The following LONRF1 variants were observed in gnomAD, a reference collection of about 807,000 sequenced individuals.
LONRF1 encodes the protein LON peptidase N-terminal domain and RING finger protein 1.
In LONRF1, 37 loss-of-function variants were observed where a neutral mutation model predicts 85.8. That is an observed-to-expected ratio of 0.43 (90% CI 0.33 to 0.57). The LOEUF is 0.57. Ranked by LOEUF, LONRF1 falls within the 20% of genes least tolerant of loss-of-function variation. The pLI is 0.04. For missense variants in LONRF1, 1,036 were observed against 978.0 expected, an observed-to-expected ratio of 1.06 and a Z score of -0.79; for synonymous variants, 517 against 390.1, an observed-to-expected ratio of 1.33 and a Z score of -3.83.
At chr8:12,724,790 T>A (rs1009128109) in intron 11 of LONRF1, among the ~76,000 whole-genome samples, 3 of 152,218 alleles carry the variant, frequency 2.0e-5, no homozygotes, top group Non-Finnish European at 4.4e-5. Flanking sequence ...TTAAAACAAA[T>A]AGATGGCAAC....
chr8:12,729,290 G>C lies in LONRF1; in HGVS notation c.1731C>G (p.Tyr577Ter). The C allele has an allele frequency of 6.2e-7, 1 of 1,613,920 alleles. No individual in the cohort carries two copies. Among genetic ancestry groups the C allele is most frequent in the Non-Finnish European group, 8.5e-7 (1 of 1,179,866 alleles). The change falls in exon 9 of 12, where the codon TAC becomes TAG. Residue 577 changes from tyrosine to a stop codon, truncating the protein, a stop_gained. Coordinates refer to ENST00000398246, the MANE Select transcript of LONRF1 (RefSeq NM_152271.5). LOFTEE classifies it high-confidence loss of function. The part of the protein sequence containing the change: ...NVPIFVCTMA[Y>*]PTVPCPLHVF... Reference sequence around the variant, plus strand: ...CATGGAGAGGGCAAGGCACAGTGGGGTAGGCCATAGTGCAAACAAATATTG... The same window carrying C: ...CATGGAGAGGGCAAGGCACAGTGGGCTAGGCCATAGTGCAAACAAATATTG...
rs889033276 is a variant in LONRF1 at position 12,755,472 on chromosome 8, C to G, written c.-52G>C. 9.8e-7 allele frequency: 1 copy of G among 1,017,976 alleles called. No individual in the cohort carries two copies. The highest frequency in any genetic ancestry group is 1.7e-5 in the African/African-American group (1 of 57,808). The allele number at this position is 1,017,976 out of a possible 1,614,324, so 63.1% of individuals were successfully genotyped here. A position where few individuals can be genotyped will look rare whatever the true frequency, so the allele number is the denominator to read the frequency against. ...GCCCGCCGCCACGGTCCCGGAGCCT[C>G]CCGGGCGCGCGGCTCCGCACGCGGC... is the stretch of plus-strand genomic sequence containing the variant. On this transcript the variant is annotated 5_prime_UTR_variant, in exon 1 of 12. Transcript: ENST00000398246.
chr8:12,725,514 G>T (rs1442892863), intron 11 of LONRF1, among the ~76,000 whole-genome samples: 2 of 152,134 alleles, frequency 1.3e-5, no homozygotes, highest in African/African-American at 4.8e-5. Flanking sequence ...CATCTCAGCT[G>T]ACACGTATTT....
Position 12,736,962 on chromosome 8 carries a change from G to C in LONRF1, c.1292C>G (p.Ser431Cys). The change falls in exon 5 of 12, where the codon TCT (serine) becomes TGT (cysteine). Residue 431 changes from serine (S) to cysteine (C), a missense_variant. Coordinates refer to ENST00000398246, the MANE Select transcript of LONRF1 (RefSeq NM_152271.5). Reference sequence around the variant, plus strand: ...TACAATCACATCCTGTTCTAAAAGAGACAACTTTCTTTTCAGCAGAACACC... The same window carrying C: ...TACAATCACATCCTGTTCTAAAAGACACAACTTTCTTTTCAGCAGAACACC... ...EKGVLLKRKLSLLEQDVIVNE... is the reference protein window; with the variant it reads ...EKGVLLKRKLCLLEQDVIVNE... 6.2e-7 allele frequency: 1 copy of C among 1,613,320 alleles called. No homozygotes were observed. The highest frequency in any genetic ancestry group is 8.5e-7 in the Non-Finnish European group (1 of 1,179,566).
chr8:12,739,145 T>C (rs1485653725), intron 3 of LONRF1, among the ~76,000 whole-genome samples: 1 of 152,030 alleles, frequency 6.6e-6, no homozygotes, highest in Non-Finnish European at 1.5e-5. Context: ...GCCAAAGGGA[T>C]GTAAAAACAT....
At chr8:12,741,702 T>C (rs1183810540) in intron 2 of LONRF1, among the ~76,000 whole-genome samples, 1 of 152,238 alleles carries the variant, frequency 6.6e-6, no homozygotes, top group Non-Finnish European at 1.5e-5. Flanking sequence ...AATTTTGTCT[T>C]AGATTTAGGG....
At chr8:12,754,655 G>C (rs1799558456) in intron 1 of LONRF1, 45 bp downstream of exon 1, 2 of 1,295,524 alleles carry the variant, frequency 1.5e-6, no homozygotes, top group Admixed American at 8.6e-5. Flanking sequence ...CTCGGGGCCA[G>C]GAGGGTGCGG....
intron 1 of LONRF1, among the ~76,000 whole-genome samples, chr8:12,751,059 G>A (rs986104052): frequency 6.6e-6 from 1 of 152,076 alleles, no homozygotes; most frequent in East Asian, 1.9e-4. Flanking sequence ...GTTAGGCAAC[G>A]TGCACAAGGT....
At chr8:12,733,581 G>A (rs998125329) in intron 7 of LONRF1, among the ~76,000 whole-genome samples, 13 of 152,014 alleles carry the variant, frequency 8.6e-5, no homozygotes, top group Non-Finnish European at 1.8e-4. Context: ...GTCCTTCAGT[G>A]ACAGATATAT....
At chr8:12,741,254 T>C (rs541082359) in intron 2 of LONRF1, among the ~76,000 whole-genome samples, 1 of 152,150 alleles carries the variant, frequency 6.6e-6, no homozygotes, top group East Asian at 1.9e-4. Context: ...CACGGGGGCA[T>C]GCACCTGTAA....
At chr8:12,754,635 G>A (rs2128791998) in intron 1 of LONRF1, 65 bp downstream of exon 1, 2 of 1,255,460 alleles carry the variant, frequency 1.6e-6, no homozygotes, top group Admixed American at 4.3e-5. Context: ...CAAGCTCCGG[G>A]TCCCCGGCCC....
intron 11 of LONRF1, among the ~76,000 whole-genome samples, chr8:12,723,474 C>A (rs531370483): frequency 6.6e-6 from 1 of 152,184 alleles, no homozygotes. Flanking sequence ...GTGGCAGAGC[C>A]GAGATTCAAA....
At position 12,755,287 on chromosome 8, in the gene LONRF1, G is replaced by C; in HGVS notation, c.134C>G (p.Ser45Trp). The change falls in exon 1 of 12, where the codon TCG becomes TGG. Residue 45 changes from serine to tryptophan, a missense_variant. Transcript: ENST00000398246. The stretch of plus-strand genomic sequence containing the variant: ...GCGGAGCAGCAGCTCCCAGCGCTCC[G>C]ACTCCGCGGCCGCGCGCTCCAGCCG... ...GHRLERAAAE[S>W]ERWELLLRRG... 8.0e-7 allele frequency: 1 copy of C among 1,245,222 alleles called. No individual in the cohort carries two copies. Among genetic ancestry groups the C allele is most frequent in the Non-Finnish European group, 1.0e-6 (1 of 993,354 alleles). 77.1% of individuals were successfully genotyped at this position (1,245,222 alleles called of 1,614,324 possible).
At chr8:12,749,125 C>A (rs999361869) in intron 1 of LONRF1, among the ~76,000 whole-genome samples, 1 of 152,168 alleles carries the variant, frequency 6.6e-6, no homozygotes, top group Non-Finnish European at 1.5e-5. Flanking sequence ...CATACATGCT[C>A]CATCTATAAT....
At chr8:12,750,325 C>T (rs1240239640) in intron 1 of LONRF1, among the ~76,000 whole-genome samples, 1 of 152,212 alleles carries the variant, frequency 6.6e-6, no homozygotes, top group Non-Finnish European at 1.5e-5. Context: ...AAGAGCCTCC[C>T]TTTACCCAAG....
chr8:12,737,351 G>T (rs1428008940), intron 4 of LONRF1: 1 of 702,514 alleles, frequency 1.4e-6, no homozygotes, highest in East Asian at 2.7e-5. Flanking sequence ...GCATCCGTGG[G>T]TTCATCCAAC....
chr8:12,729,393 C>CA (rs1339870061), intron 8 of LONRF1, 61 bp from the exon 9 acceptor site: 115 of 1,513,178 alleles, frequency 7.6e-5, no homozygotes, highest in Non-Finnish European at 9.8e-5. Flanking sequence ...CGAACACATA[C>CA]AAAAAATGAG....
At chr8:12,754,609 ACT>A in intron 1 of LONRF1, 89 bp downstream of exon 1, 7 of 1,216,490 alleles carry the variant, frequency 5.8e-6, no homozygotes, top group Non-Finnish European at 6.1e-6. Context: ...AGCAGAGGAG[ACT>A]CTCGGGGCGC....
At chr8:12,729,514 C>T in intron 8 of LONRF1, 182 bp from the exon 9 acceptor site, 5 of 559,536 alleles carry the variant, frequency 8.9e-6, no homozygotes. Context: ...TCACTAAGCT[C>T]ACACTGATGA....
Sources: gnomAD v4.1 joint callset for allele counts (sites outside exome capture counted in the v4.1 genomes callset) on GRCh38, gnomAD v4.1.1 for gene constraint, MANE v1.5 for transcripts, NCBI Gene and HGNC (gene_info 2026-07-23, HGNC 2026-07-21) for gene names.